TTC7B: variants seen among roughly 807,000 people sequenced by gnomAD.
TTC7B encodes the protein tetratricopeptide repeat domain 7B, also known as tetratricopeptide repeat protein 7B.
TTC7B carries 28 observed loss-of-function variants against 106.8 expected under a neutral mutation model. The observed-to-expected ratio is 0.26, with a 90% confidence interval of 0.19 to 0.36. The LOEUF (loss-of-function observed/expected upper bound fraction) is 0.36. Ranked by LOEUF, TTC7B falls within the 10% of genes least tolerant of loss-of-function variation. The pLI is 1.00. For missense variants in TTC7B, 862 were observed against 1,076.4 expected, an observed-to-expected ratio of 0.80 and a Z score of 2.79; for synonymous variants, 405 against 430.6, an observed-to-expected ratio of 0.94 and a Z score of 0.74.
In TTC7B at chr14:90,786,198, G is replaced by A. The variant is rs747649237; in HGVS notation, c.252C>T (p.Ala84=). ...CCTTAAGGTTCCCTCGGTCCAGGGCGGCGGTCAGATGCTTGCGGACCTCAG... is the reference window on the plus strand; with the variant it reads ...CCTTAAGGTTCCCTCGGTCCAGGGCAGCGGTCAGATGCTTGCGGACCTCAG... ...QLTEVRKHLT[A]ALDRGNLKSE... The change falls in exon 2 of 20, where the codon GCC becomes GCT. Residue 84 remains alanine, a synonymous_variant. Transcript: ENST00000328459. 2.3e-5 allele frequency: 37 copies of A among 1,582,470 alleles called. No individual in the cohort carries two copies. Among genetic ancestry groups the A allele is most frequent in the African/African-American group, 1.1e-4 (8 of 73,478 alleles).
intron 19 of TTC7B, among the ~76,000 whole-genome samples, chr14:90,562,659 G>A (rs1890638319): frequency 1.3e-5 from 2 of 152,200 alleles, no homozygotes; most frequent in Non-Finnish European, 1.5e-5. Flanking sequence ...TGCAGGCACT[G>A]TGACATTTTA....
intron 9 of TTC7B, among the ~76,000 whole-genome samples, chr14:90,660,395 C>CAAAAAAAAAAAAAAAAAAAAAAAA (rs57030874): frequency 2.4e-5 from 1 of 40,890 alleles, no homozygotes. Flanking sequence ...CACCCTGTCT[C>CAAAAAAAAAAAAAAAAAAAAAAAA]AAAAAAAAAA....
chr14:90,562,536 A>T (rs901153446), intron 19 of TTC7B, among the ~76,000 whole-genome samples: 1 of 152,230 alleles, frequency 6.6e-6, no homozygotes, highest in Non-Finnish European at 1.5e-5. Flanking sequence ...ACCTGCAGAA[A>T]AGCAGCTAAC....
rs572113037 is a variant in TTC7B at position 90,657,716 on chromosome 14, AGT to A, written c.1237-440_1237-439del. Reference sequence around the variant, plus strand: ...AAAACAATAGCTACGACCTCTGTTGAGTGTATACACAGCAAGGAGCGTGCCTC... The same window carrying A: ...AAAACAATAGCTACGACCTCTGTTGAGTATACACAGCAAGGAGCGTGCCTC... On this transcript the variant is annotated intron_variant, in intron 10 of 19. Transcript: ENST00000328459. This position sits in a 1 kb window ranked among gnomAD's most constrained non-coding sequence, Gnocchi z 4.2. 2,491 of 211,310 alleles carry A rather than the reference AGT, an allele frequency of 0.012. 37 individuals are homozygous for A. The highest frequency in any genetic ancestry group is 0.015 in the Non-Finnish European group (1,608 of 103,768). The allele number at this position is 211,310 out of a possible 1,614,324, so 13.1% of individuals were successfully genotyped here.
chr14:90,578,219 G>A lies in TTC7B; in HGVS notation c.2197C>T (p.Leu733Phe), dbSNP rs1891342005. The A allele has an allele frequency of 6.2e-7, 1 of 1,614,250 alleles. No homozygotes were observed. The highest frequency in any genetic ancestry group is 8.5e-7 in the Non-Finnish European group (1 of 1,180,042). The change falls in exon 19 of 20, where the codon CTC (leucine) becomes TTC (phenylalanine). Residue 733 changes from leucine (L) to phenylalanine (F), a missense_variant. Coordinates refer to ENST00000328459, the MANE Select transcript of TTC7B (RefSeq NM_001010854.2). This position sits in a 1 kb window ranked among gnomAD's most constrained non-coding sequence, Gnocchi z 4.7. ...ANLFPMSHNV[L>F]YMRGQIAELR... ...TCAGCAATCTGGCCGCGCATGTAGA[G>A]GACATTGTGGGACATTGGGAAGAGG...
intron 1 of TTC7B, among the ~76,000 whole-genome samples, chr14:90,798,798 A>G (rs1257156947): frequency 2.0e-5 from 3 of 151,222 alleles, no homozygotes; most frequent in African/African-American, 7.3e-5. Flanking sequence ...GAGCCCCTGG[A>G]AAGTCTAAAG....
intron 16 of TTC7B, among the ~76,000 whole-genome samples, chr14:90,614,868 C>T (rs1429713832): frequency 6.6e-6 from 1 of 152,172 alleles, no homozygotes; most frequent in Non-Finnish European, 1.5e-5. Context: ...CCTGCTGGGA[C>T]CTTCTGGTGA....
At chr14:90,589,236 T>C (rs564525439) in intron 18 of TTC7B, among the ~76,000 whole-genome samples, 71 of 152,314 alleles carry the variant, frequency 4.7e-4, no homozygotes, top group Non-Finnish European at 7.2e-4. Context: ...TTCCACTGTT[T>C]AGAGTTTATC....
At chr14:90,627,495 G>C (rs1884497063) in intron 15 of TTC7B, among the ~76,000 whole-genome samples, 1 of 152,152 alleles carries the variant, frequency 6.6e-6, no homozygotes, top group African/African-American at 2.4e-5. Flanking sequence ...AGTTTCTCAG[G>C]GCCAAAGTAT....
At position 90,535,124 on chromosome 14, in the gene TTC7B, G is replaced by A. The variant is rs1395907046; in HGVS notation, c.*6244C>T. 5 of 152,306 alleles carry A rather than the reference G, an allele frequency of 3.3e-5. No homozygotes were observed. The highest frequency in any genetic ancestry group is 4.8e-5 in the African/African-American group (2 of 41,412). 9.4% of individuals were successfully genotyped at this position (152,306 alleles called of 1,614,324 possible). On this transcript the variant is annotated 3_prime_UTR_variant, in exon 20 of 20. Transcript: ENST00000328459. ...GGTCCCCACGCAGCCCTGAGGGTGA[G>A]CAGAGCCCTGGCCACAGCCCAGGGC... is the stretch of plus-strand genomic sequence containing the variant.
chr14:90,804,662 T>C (rs1267487219), intron 1 of TTC7B, among the ~76,000 whole-genome samples: 1 of 152,158 alleles, frequency 6.6e-6, no homozygotes, highest in Non-Finnish European at 1.5e-5. Flanking sequence ...GGCCTGAGAC[T>C]CAGTGGCGAG....
In TTC7B at chr14:90,679,623, C is replaced by T. The variant is rs369945454; in HGVS notation, c.1014+849G>A. On this transcript the variant is annotated intron_variant, in intron 8 of 19. Transcript: ENST00000328459. Reference sequence around the variant, plus strand: ...GGCCTCAGGTTCCTCATGTATAAAACGAGGGAAGGGGACGCGAGCCCTCAA... The same window carrying T: ...GGCCTCAGGTTCCTCATGTATAAAATGAGGGAAGGGGACGCGAGCCCTCAA... Among the ~76,000 whole-genome samples the T allele has an allele frequency of 7.7e-4, 118 of 152,272 alleles. 1 individual carries two copies. In the South Asian group the frequency reaches 0.022, roughly 28 times the overall value.
intron 1 of TTC7B, among the ~76,000 whole-genome samples, chr14:90,790,613 C>A (rs1302352822): frequency 6.6e-6 from 1 of 152,044 alleles, no homozygotes; most frequent in African/African-American, 2.4e-5. Flanking sequence ...CTCCTCGCCT[C>A]CCTGCCACAG....
At chr14:90,673,770 T>C (rs1420591257) in intron 9 of TTC7B, among the ~76,000 whole-genome samples, 2 of 152,096 alleles carry the variant, frequency 1.3e-5, no homozygotes, top group African/African-American at 4.8e-5. Context: ...TAAAAAGAAA[T>C]ATTGATCCAT....
intron 15 of TTC7B, among the ~76,000 whole-genome samples, chr14:90,642,271 C>G (rs1566813853): frequency 6.6e-6 from 1 of 152,122 alleles, no homozygotes; most frequent in African/African-American, 2.4e-5. Flanking sequence ...AACAAGAATT[C>G]TCTCGATGGG....
chr14:90,715,191 C>T (rs777332006), intron 5 of TTC7B, among the ~76,000 whole-genome samples: 14 of 152,212 alleles, frequency 9.2e-5, no homozygotes, highest in Non-Finnish European at 1.8e-4. Flanking sequence ...CACACAAATG[C>T]AAATAATATG....
Position 90,742,618 on chromosome 14 carries a change from C to T in TTC7B, c.576+2174G>A, listed in dbSNP as rs1889813326. On this transcript the variant is annotated intron_variant, in intron 4 of 19. Transcript: ENST00000328459. This position sits in a 1 kb window ranked among gnomAD's most constrained non-coding sequence, Gnocchi z 4.1. ...GTGGAGTTCTAAAACTAGTTTTGGCCTAACTTTCTGTGTGCCTGGGCTCTC... is the reference window on the plus strand; with the variant it reads ...GTGGAGTTCTAAAACTAGTTTTGGCTTAACTTTCTGTGTGCCTGGGCTCTC... Among the ~76,000 whole-genome samples, 1 of 152,136 alleles carries T rather than the reference C, an allele frequency of 6.6e-6. No individual in the cohort carries two copies. Among genetic ancestry groups the T allele is most frequent in the Admixed American group, 6.5e-5 (1 of 15,270 alleles).
Position 90,531,254 on chromosome 14 carries a change from C to T in TTC7B, c.*10114G>A, listed in dbSNP as rs1051394863. ...GATCACAAAAGAAAAGAAAAAGCTGCTTGCTTAAACAAACAAACAAACAAA... is the reference window on the plus strand; with the variant it reads ...GATCACAAAAGAAAAGAAAAAGCTGTTTGCTTAAACAAACAAACAAACAAA... On this transcript the variant is annotated 3_prime_UTR_variant, in exon 20 of 20. Transcript: ENST00000328459. 6.6e-6 allele frequency: 1 copy of T among 151,636 alleles called. No individual in the cohort carries two copies. The highest frequency in any genetic ancestry group is 1.5e-5 in the Non-Finnish European group (1 of 68,028). 9.4% of individuals were successfully genotyped at this position (151,636 alleles called of 1,614,324 possible). A position where few individuals can be genotyped will look rare whatever the true frequency, so the allele number is the denominator to read the frequency against.
rs1200741161 is a variant in TTC7B at position 90,808,302 on chromosome 14, G to A, written c.121+7873C>T. On this transcript the variant is annotated intron_variant, in intron 1 of 19. Transcript: ENST00000328459. This position sits in a 1 kb window ranked among gnomAD's most constrained non-coding sequence, Gnocchi z 4.2. ...TCTACAGAAAAAATGAAGAGAGAGAGAGAGAAAGACAGAGAGAGACCCAAG... is the reference window on the plus strand; with the variant it reads ...TCTACAGAAAAAATGAAGAGAGAGAAAGAGAAAGACAGAGAGAGACCCAAG... 6.6e-6 allele frequency among the ~76,000 whole-genome samples: 1 copy of A among 152,152 alleles called. No individual in the cohort carries two copies. The highest frequency in any genetic ancestry group is 1.5e-5 in the Non-Finnish European group (1 of 68,038).
Sources: gnomAD v4.1 joint callset for allele counts (sites outside exome capture counted in the v4.1 genomes callset) on GRCh38, gnomAD v4.1.1 for gene constraint, Gnocchi (gnomAD v3.1) non-coding constraint, MANE v1.5 for transcripts, NCBI Gene and HGNC (gene_info 2026-07-23, HGNC 2026-07-21) for gene names.